The following MCM7 variants were observed in gnomAD, a reference collection of about 807,000 sequenced individuals.
MCM7 encodes minichromosome maintenance complex component 7.
In MCM7, 95 loss-of-function variants were observed where a neutral mutation model predicts 83.5. The ratio of observed to expected loss-of-function variants is 1.14; its 90% CI spans 0.96 to 1.35. The LOEUF is 1.35. Ranked by LOEUF, MCM7 falls within the 40% of genes most tolerant of loss-of-function variation. The pLI, the probability that MCM7 is intolerant of heterozygous loss-of-function variation, is 0.00. For missense variants in MCM7, 1,087 were observed against 957.4 expected (o/e 1.14, Z -1.79); for synonymous variants, 461 against 352.7 (o/e 1.31, Z -3.44).
chr7:100,095,696 T>C, intron 11 of MCM7, 78 bp downstream of exon 11: 1 of 1,496,490 alleles, frequency 6.7e-7, no homozygotes, highest in Non-Finnish European at 8.9e-7. Flanking sequence ...GCGTGGAATT[T>C]GTTTTCTGAT....
chr7:100,098,371 C>T (rs532472843), intron 6 of MCM7, 81 bp from the exon 7 acceptor site: 2 of 1,549,512 alleles, frequency 1.3e-6, no homozygotes, highest in African/African-American at 1.4e-5. Context: ...CACTCAAAGG[C>T]TCCCAGGCTA....
Position 100,097,837 on chromosome 7 carries a change from C to T in MCM7, c.982G>A (p.Ala328Thr), listed in dbSNP as rs779960638. 4.3e-6 allele frequency: 7 copies of T among 1,614,036 alleles called. No individual in the cohort carries two copies. The African/African-American group carries it at 8.0e-5, about 18-fold the overall frequency. Residue 328 changes from alanine to threonine, a missense_variant, in exon 8 of 15, where the codon GCA becomes ACA. Coordinates refer to ENST00000303887, the MANE Select transcript of MCM7 (RefSeq NM_005916.5). ...ELTREELRQI[A>T]EEDFYEKLAA... ...CTCTCTCTCCCCTGCCCCTCACCTG[C>T]AATTTGCCTCAGCTCCTCCCTGGTG...
In MCM7 at chr7:100,095,838, G is replaced by C; in HGVS notation, c.1531C>G (p.Leu511Val). Reference sequence around the variant, plus strand: ...CAGAGGAGGTCAAACCGGGAGAGCAGTGCAGCAGGTAGCTGTATGTTCTGC... The same window carrying C: ...CAGAGGAGGTCAAACCGGGAGAGCACTGCAGCAGGTAGCTGTATGTTCTGC... The part of the protein sequence containing the change: ...LEQNIQLPAA[L>V]LSRFDLLWLI... Residue 511 changes from leucine (L) to valine (V), a missense_variant, in exon 11 of 15, where the codon CTG becomes GTG. Transcript: ENST00000303887. The C allele has an allele frequency of 6.2e-7, 1 of 1,611,392 alleles. No homozygotes were observed. The highest frequency in any genetic ancestry group is 8.5e-7 in the Non-Finnish European group (1 of 1,179,406).
chr7:100,100,487 AC>A, intron 1 of MCM7: 1 of 943,018 alleles, frequency 1.1e-6, no homozygotes, highest in Non-Finnish European at 1.3e-6. Context: ...GCACCCCGCC[AC>A]CGCACCCCAC....
chr7:100,100,168 C>A lies in MCM7; in HGVS notation c.32-75G>T, dbSNP rs138122936. 5.1e-6 allele frequency: 8 copies of A among 1,571,708 alleles called. No individual in the cohort carries two copies. The East Asian group carries it at 1.8e-4, about 36-fold the overall frequency. On this transcript the variant is annotated intron_variant, in intron 1 of 14. Transcript: ENST00000303887. ...TAGATACCCATTTTCGCTTAAAACACGACCTATGAACTAATTAATAATATG... is the reference window on the plus strand; with the variant it reads ...TAGATACCCATTTTCGCTTAAAACAAGACCTATGAACTAATTAATAATATG...
chr7:100,097,693 C>T lies in MCM7; in HGVS notation c.1038G>A (p.Gly346=). The T allele has an allele frequency of 6.2e-7, 1 of 1,614,212 alleles. No individual in the cohort carries two copies. The highest frequency in any genetic ancestry group is 8.5e-7 in the Non-Finnish European group (1 of 1,180,040). Residue 346 remains glycine (G), a synonymous_variant, in exon 9 of 15, where the codon GGG becomes GGA. Transcript: ENST00000303887. ...LAASIAPEIY[G]HEDVKKALLL... The stretch of plus-strand genomic sequence containing the variant: ...GCAGTGCCTTCTTCACATCTTCATG[C>T]CCGTATATTTCTGGGGCGATTGAAG...
At position 100,092,941 on chromosome 7, in the gene MCM7, A is replaced by T. The variant is rs750701504; in HGVS notation, c.2151T>A (p.Thr717=). 5.0e-6 allele frequency: 8 copies of T among 1,614,070 alleles called. No homozygotes were observed. The East Asian group carries it at 1.3e-4, about 27-fold the overall frequency. ...WQVNASRTRI[T]FV is the part of the protein sequence containing the mutation. ...TGCAAGCAGGCTGGAATCAGACAAA[A>T]GTGATCCGTGTCCGGGAAGCATTGA... Residue 717 remains threonine, a synonymous_variant, in exon 15 of 15, where the codon ACT becomes ACA. Transcript: ENST00000303887.
rs1487153563 is a variant in MCM7 at position 100,101,244 on chromosome 7, C to T, written c.31+20G>A. On this transcript the variant is annotated intron_variant, in intron 1 of 14. Coordinates refer to ENST00000303887, the MANE Select transcript of MCM7 (RefSeq NM_005916.5). ...GAGGCTCCCCGCGCAGGACGCCCTCCCGGGCTCGTAGACCCGTACCCTTCT... is the reference window on the plus strand; with the variant it reads ...GAGGCTCCCCGCGCAGGACGCCCTCTCGGGCTCGTAGACCCGTACCCTTCT... 2 of 1,612,932 alleles carry T rather than the reference C, an allele frequency of 1.2e-6. No individual in the cohort carries two copies. Among genetic ancestry groups the T allele is most frequent in the Non-Finnish European group, 1.7e-6 (2 of 1,179,860 alleles).
intron 6 of MCM7, 96 bp from the exon 7 acceptor site, chr7:100,098,386 G>A: frequency 1.3e-6 from 2 of 1,522,980 alleles, no homozygotes; most frequent in East Asian, 2.3e-5. Flanking sequence ...AGGCTACCCA[G>A]CCACAGACAA....
chr7:100,097,321 A>G lies in MCM7; in HGVS notation c.1181T>C (p.Ile394Thr), dbSNP rs142804258. 4.8e-5 allele frequency: 78 copies of G among 1,614,032 alleles called. No individual in the cohort carries two copies. Among genetic ancestry groups the G allele is most frequent in the African/African-American group, 8.0e-5 (6 of 74,896 alleles). The change falls in exon 10 of 15, where the codon ATT (isoleucine) becomes ACT (threonine). Residue 394 changes from isoleucine (I) to threonine (T), a missense_variant. By Grantham distance (89) the Ile-to-Thr change is moderately conservative. Transcript: ENST00000303887. ...CTTACTGCGAGGCGCCAGTCGATCAATGTATGACAGGAGCTGAGACTTGGC... is the reference window on the plus strand; with the variant it reads ...CTTACTGCGAGGCGCCAGTCGATCAGTGTATGACAGGAGCTGAGACTTGGC... The part of the protein sequence containing the change: ...GVAKSQLLSY[I>T]DRLAPRSQYT...
At chr7:100,101,015 C>G (rs1795988343) in intron 1 of MCM7, 1 of 795,134 alleles carries the variant, frequency 1.3e-6, no homozygotes, top group Admixed American at 3.1e-5. Context: ...AGCGCGCCCC[C>G]AAGCCCCCAA....
In MCM7 at chr7:100,097,300, C is replaced by G; in HGVS notation, c.1201+1G>C. The G allele has an allele frequency of 6.2e-7, 1 of 1,614,026 alleles. No individual in the cohort carries two copies. The highest frequency in any genetic ancestry group is 1.1e-5 in the South Asian group (1 of 91,082). On this transcript the variant is annotated splice_donor_variant, in intron 10 of 14. Coordinates refer to ENST00000303887, the MANE Select transcript of MCM7 (RefSeq NM_005916.5). LOFTEE classifies it high-confidence loss of function. ...ACCTCCCGCAAAGCCCAACTACTTA[C>G]TGCGAGGCGCCAGTCGATCAATGTA...
At chr7:100,095,329 T>C in intron 12 of MCM7, 58 bp downstream of exon 12, 3 of 1,488,674 alleles carry the variant, frequency 2.0e-6, no homozygotes, top group Non-Finnish European at 1.8e-6. Context: ...TAAGCACTTT[T>C]TCAGGAGGCT....
chr7:100,098,735 A>G lies in MCM7; in HGVS notation c.583-20T>C. The G allele has an allele frequency of 6.2e-7, 1 of 1,613,652 alleles. No homozygotes were observed. The highest frequency in any genetic ancestry group is 2.2e-5 in the East Asian group (1 of 44,864). On this transcript the variant is annotated intron_variant, in intron 5 of 14. Transcript: ENST00000303887. ...CTGGATCTAGGATGTGAGAACAGAA[A>G]CACCAAAGGAACTCAGAAGGAAAAG...
chr7:100,094,454 A>G (rs1323800141), intron 12 of MCM7, 113 bp from the exon 13 acceptor site: 1 of 1,238,308 alleles, frequency 8.1e-7, no homozygotes. Context: ...CCCCTCCAAG[A>G]ATTTTAAGTG....
In MCM7 at chr7:100,100,002, T is replaced by C; in HGVS notation, c.111+12A>G. 6.2e-7 allele frequency: 1 copy of C among 1,612,154 alleles called. No individual in the cohort carries two copies. Among genetic ancestry groups the C allele is most frequent in the Non-Finnish European group, 8.5e-7 (1 of 1,178,246 alleles). On this transcript the variant is annotated intron_variant, in intron 2 of 14. Coordinates refer to ENST00000303887, the MANE Select transcript of MCM7 (RefSeq NM_005916.5). The stretch of plus-strand genomic sequence containing the variant: ...CCCGCTCCCCATTCCCTTTACCCAA[T>C]CTTAGACTTACCAACTGGTTCCCAT...
chr7:100,093,753 CAGAG>C, intron 13 of MCM7: 1 of 623,276 alleles, frequency 1.6e-6, no homozygotes, highest in South Asian at 1.4e-5. Context: ...AGACAATTGG[CAGAG>C]AGAACGTGTC....
intron 10 of MCM7, 22 bp downstream of exon 10, chr7:100,097,279 C>T: frequency 6.2e-7 from 1 of 1,610,042 alleles, no homozygotes; most frequent in East Asian, 2.2e-5. Context: ...ATATTCACCT[C>T]CCGCAAAGCC....
At chr7:100,097,588 T>C (rs1003932611) in intron 9 of MCM7, 26 bp downstream of exon 9, 1 of 1,612,750 alleles carries the variant, frequency 6.2e-7, no homozygotes, top group South Asian at 1.1e-5. Context: ...TCATCCACCC[T>C]GAGCCTCTCC....
Sources: allele counts gnomAD v4.1 joint callset, GRCh38; gene constraint gnomAD v4.1.1; transcripts MANE v1.5; gene names NCBI Gene and HGNC (gene_info 2026-07-23, HGNC 2026-07-21).